The following TMPRSS11A variants were observed in gnomAD, a reference collection of about 807,000 sequenced individuals.
TMPRSS11A encodes the protein transmembrane protease serine 11A.
In TMPRSS11A, 53 loss-of-function variants were observed where a neutral mutation model predicts 58.9. The observed-to-expected ratio is 0.90, with a 90% CI of 0.72 to 1.13. The LOEUF (loss-of-function observed/expected upper bound fraction) is 1.13, where lower values mean the gene tolerates loss of function less well. TMPRSS11A is among the 50% of genes most tolerant of loss of function. The probability of loss-of-function intolerance (pLI) is 0.00; values close to 1 mark genes in which losing one functional copy is unlikely to be tolerated. For synonymous variants in TMPRSS11A, 167 were observed against 169.8 expected, an observed-to-expected ratio of 0.98 and a Z score of 0.13; for missense variants, 493 against 499.3, an observed-to-expected ratio of 0.99 and a Z score of 0.12.
chr4:67,927,565 G>T (rs1007576168), intron 5 of TMPRSS11A, among the ~76,000 whole-genome samples: 2 of 152,220 alleles, frequency 1.3e-5, no homozygotes, highest in African/African-American at 4.8e-5. Flanking sequence ...GTGGGCATGG[G>T]ATCCAGGCTG....
chr4:67,933,413 T>C (rs1270053894), intron 3 of TMPRSS11A, among the ~76,000 whole-genome samples: 1 of 152,194 alleles, frequency 6.6e-6, no homozygotes, highest in Admixed American at 6.5e-5. Context: ...ACCACCCTGT[T>C]AAATGTGATG....
At chr4:67,953,614 C>T (rs1721214003) in intron 1 of TMPRSS11A, among the ~76,000 whole-genome samples, 1 of 152,092 alleles carries the variant, frequency 6.6e-6, no homozygotes, top group Non-Finnish European at 1.5e-5. Context: ...GCCTAACCAA[C>T]ATGGAGAAAC....
In TMPRSS11A at chr4:67,919,097, C is replaced by A. The variant is rs1419064715; in HGVS notation, c.828G>T (p.Val276=). ...AAAAGGTGACTCTGGAAGAGACCTG[C>A]ACAACAGCAATGTCGTACTCTCTTG... ...SAAREYDIAV[V]QVSSRVTFSD... The change falls in exon 8 of 10, where the codon GTG becomes GTT. Residue 276 remains valine (V), a synonymous_variant. Transcript: ENST00000508048. The A allele has an allele frequency of 6.2e-7, 1 of 1,614,186 alleles. No homozygotes were observed. The highest frequency in any genetic ancestry group is 1.1e-5 in the South Asian group (1 of 91,090).
At chr4:67,950,513 C>T (rs190226381) in intron 1 of TMPRSS11A, among the ~76,000 whole-genome samples, 14 of 152,168 alleles carry the variant, frequency 9.2e-5, no homozygotes, top group Non-Finnish European at 1.8e-4. Context: ...CCAATTGATT[C>T]GGGAACTTTA....
At chr4:67,946,620 A>G in intron 1 of TMPRSS11A, 49 bp from the exon 2 acceptor site, 1 of 1,569,274 alleles carries the variant, frequency 6.4e-7, no homozygotes, top group Non-Finnish European at 8.6e-7. Context: ...CAATGCTTGC[A>G]GGTTTTCCAG....
At chr4:67,930,090 GT>G in intron 4 of TMPRSS11A, 50 bp from the exon 5 acceptor site, 1 of 1,543,100 alleles carries the variant, frequency 6.5e-7, no homozygotes, top group Non-Finnish European at 8.8e-7. Context: ...ACCTGGAATT[GT>G]CCTTCAGTCT....
chr4:67,911,287 T>G lies in TMPRSS11A; in HGVS notation c.*55A>C. On this transcript the variant is annotated 3_prime_UTR_variant, in exon 10 of 10. Coordinates refer to ENST00000508048, the MANE Select transcript of TMPRSS11A (RefSeq NM_001114387.2). ...GTACTACACCCACTAAATAGTTGAA[T>G]TCTCATGCATATATGACCTGCATAC... 1 of 1,528,224 alleles carries G rather than the reference T, an allele frequency of 6.5e-7. No homozygotes were observed. The highest frequency in any genetic ancestry group is 9.0e-7 in the Non-Finnish European group (1 of 1,115,528). 94.7% of individuals were successfully genotyped at this position (1,528,224 alleles called of 1,614,324 possible). A position where few individuals can be genotyped will look rare whatever the true frequency, so the allele number is the denominator to read the frequency against.
At position 67,909,606 on chromosome 4, in the gene TMPRSS11A, A is replaced by C. The variant is rs1051290526; in HGVS notation, c.*1736T>G. 1 of 152,192 alleles carries C rather than the reference A, an allele frequency of 6.6e-6. No individual in the cohort carries two copies. Among genetic ancestry groups the C allele is most frequent in the African/African-American group, 2.4e-5 (1 of 41,450 alleles). The allele number at this position is 152,192 out of a possible 1,614,324, so 9.4% of individuals were successfully genotyped here. A position where few individuals can be genotyped will look rare whatever the true frequency, so the allele number is the denominator to read the frequency against. On this transcript the variant is annotated 3_prime_UTR_variant, in exon 10 of 10. Coordinates refer to ENST00000508048, the MANE Select transcript of TMPRSS11A (RefSeq NM_001114387.2). Reference sequence around the variant, plus strand: ...GCCTATGTATATTTATATATGAAGAAGAAACTTTGTCTTGAAGTGAATTCA... The same window carrying C: ...GCCTATGTATATTTATATATGAAGACGAAACTTTGTCTTGAAGTGAATTCA...
chr4:67,915,923 TA>T (rs1275252561), intron 8 of TMPRSS11A, among the ~76,000 whole-genome samples: 1 of 152,240 alleles, frequency 6.6e-6, no homozygotes, highest in African/African-American at 2.4e-5. Flanking sequence ...GTTACACATT[TA>T]TAAAAAACTA....
At chr4:67,927,289 C>G (rs1397074575) in intron 5 of TMPRSS11A, among the ~76,000 whole-genome samples, 1 of 152,206 alleles carries the variant, frequency 6.6e-6, no homozygotes, top group African/African-American at 2.4e-5. Flanking sequence ...GGGAGCTCCC[C>G]AAGCCAGGGT....
rs375167608 is a variant in TMPRSS11A, at chr4:67,922,829, A to C, written c.618T>G (p.Tyr206Ter). 6.2e-7 allele frequency: 1 copy of C among 1,614,194 alleles called. No individual in the cohort carries two copies. Among genetic ancestry groups the C allele is most frequent in the South Asian group, 1.1e-5 (1 of 91,082 alleles). ...TGGCCCCACACTGATGGATGTTATC[A>C]TACTGAAGGGAAGCTTGCCAAGGCC... is the stretch of plus-strand genomic sequence containing the variant. ...AAWPWQASLQ[Y>*]DNIHQCGATL... The change falls in exon 7 of 10, where the codon TAT becomes TAG. Residue 206 changes from tyrosine to a stop codon, truncating the protein, a stop_gained. Transcript: ENST00000508048. LOFTEE classifies it high-confidence loss of function.
At chr4:67,949,752 G>C (rs953826491) in intron 1 of TMPRSS11A, among the ~76,000 whole-genome samples, 5 of 152,018 alleles carry the variant, frequency 3.3e-5, no homozygotes, top group Non-Finnish European at 7.4e-5. Context: ...CCAGCTACTC[G>C]GGAGACTGAG....
chr4:67,920,055 A>T (rs895902237), intron 7 of TMPRSS11A, among the ~76,000 whole-genome samples: 3 of 152,146 alleles, frequency 2.0e-5, no homozygotes, highest in Non-Finnish European at 2.9e-5. Flanking sequence ...TCAAGAATGG[A>T]TGTGGTAAAG....
rs569119824 is a variant in TMPRSS11A, at chr4:67,941,869, A to G, written c.252+2650T>C. Among the ~76,000 whole-genome samples, 10 of 152,182 alleles carry G rather than the reference A, an allele frequency of 6.6e-5. No homozygotes were observed. In the South Asian group the frequency reaches 2.1e-3, roughly 32 times the overall value. ...TCAAAATACAATCATAAGGCAAAAC[A>G]GTGAAAAAATGATTACTTCAGTTAC... On this transcript the variant is annotated intron_variant, in intron 3 of 9. Coordinates refer to ENST00000508048, the MANE Select transcript of TMPRSS11A (RefSeq NM_001114387.2).
chr4:67,919,380 C>T (rs1482888493), intron 7 of TMPRSS11A, 148 bp from the exon 8 acceptor site: 1 of 687,298 alleles, frequency 1.5e-6, no homozygotes, highest in African/African-American at 1.8e-5. Flanking sequence ...TAAATATAAT[C>T]TATTGCTAAT....
At chr4:67,912,286 A>G (rs1274452970) in intron 9 of TMPRSS11A, among the ~76,000 whole-genome samples, 1 of 149,014 alleles carries the variant, frequency 6.7e-6, no homozygotes, top group African/African-American at 2.5e-5. Context: ...ATATCAACAC[A>G]CACACACACA....
At chr4:67,945,365 G>A (rs1305278596) in intron 2 of TMPRSS11A, among the ~76,000 whole-genome samples, 3 of 152,158 alleles carry the variant, frequency 2.0e-5, no homozygotes, top group African/African-American at 7.2e-5. Context: ...GCCTGGCTCA[G>A]GGAAGAGGGA....
chr4:67,926,511 T>C (rs981321184), intron 5 of TMPRSS11A, among the ~76,000 whole-genome samples: 2 of 152,162 alleles, frequency 1.3e-5, no homozygotes, highest in African/African-American at 4.8e-5. Flanking sequence ...GCAGTGATGG[T>C]GGTGGGTCCC....
At chr4:67,930,585 C>G (rs1220617568) in intron 4 of TMPRSS11A, among the ~76,000 whole-genome samples, 4 of 152,000 alleles carry the variant, frequency 2.6e-5, no homozygotes, top group Non-Finnish European at 5.9e-5. Flanking sequence ...ATTTCCTCCT[C>G]TAGCCCAAAT....
Sources: gnomAD v4.1 joint callset for allele counts (sites outside exome capture counted in the v4.1 genomes callset) on GRCh38, gnomAD v4.1.1 for gene constraint, MANE v1.5 for transcripts, NCBI Gene and HGNC (gene_info 2026-07-23, HGNC 2026-07-21) for gene names.